NAA35: variants seen among roughly 807,000 people sequenced by gnomAD.
The protein encoded by NAA35 is N-alpha-acetyltransferase 35, NatC auxiliary subunit.
NAA35 carries 18 observed loss-of-function variants against 101.7 expected under a neutral mutation model. The observed-to-expected ratio is 0.18, with a 90% CI of 0.12 to 0.26. The LOEUF is 0.26. Ranked by LOEUF, NAA35 falls within the 10% of genes least tolerant of loss-of-function variation. The pLI, the probability that NAA35 is intolerant of heterozygous loss-of-function variation, is 1.00. For missense variants in NAA35, 601 were observed against 886.8 expected, an observed-to-expected ratio of 0.68 and a Z score of 4.09; for synonymous variants, 267 against 273.1, an observed-to-expected ratio of 0.98 and a Z score of 0.22.
At chr9:86,019,346 A>G (rs936434658) in intron 21 of NAA35, among the ~76,000 whole-genome samples, 1 of 152,260 alleles carries the variant, frequency 6.6e-6, no homozygotes, top group Non-Finnish European at 1.5e-5. Context: ...CTGTAATCCC[A>G]GCTACTGGGG....
At chr9:86,002,189 C>T (rs891211733) in intron 12 of NAA35, among the ~76,000 whole-genome samples, 5 of 151,738 alleles carry the variant, frequency 3.3e-5, no homozygotes, top group Non-Finnish European at 4.4e-5. Context: ...GAATATAGGA[C>T]CCCAATTTCT....
rs914528109 is a variant in NAA35, at chr9:86,009,436, T to G, written c.1224-429T>G. On this transcript the variant is annotated intron_variant, in intron 14 of 22. Coordinates refer to ENST00000361671, the MANE Select transcript of NAA35 (RefSeq NM_024635.4). ...GTGCCAAAGGGAGGTATAGGTGATTTATAACCAATGGTGAGGAGTGGGGAT... is the reference window on the plus strand; with the variant it reads ...GTGCCAAAGGGAGGTATAGGTGATTGATAACCAATGGTGAGGAGTGGGGAT... Among the ~76,000 whole-genome samples, 5 of 152,176 alleles carry G rather than the reference T, an allele frequency of 3.3e-5. No individual in the cohort carries two copies. In the South Asian group the frequency reaches 8.3e-4, roughly 25 times the overall value.
intron 11 of NAA35, among the ~76,000 whole-genome samples, chr9:85,984,061 C>T (rs1202862394): frequency 6.6e-6 from 1 of 151,118 alleles, no homozygotes; most frequent in Non-Finnish European, 1.5e-5. Flanking sequence ...TGTGGTAGCC[C>T]ATGCCTGTAA....
At chr9:86,010,506 G>A in intron 15 of NAA35, among the ~76,000 whole-genome samples, 1 of 149,126 alleles carries the variant, frequency 6.7e-6, no homozygotes, top group South Asian at 2.1e-4. Context: ...GAAAACAGCA[G>A]TTGCTTCCTC....
At chr9:86,020,849 A>C in intron 21 of NAA35, 40 bp from the exon 22 acceptor site, 1 of 1,496,500 alleles carries the variant, frequency 6.7e-7, no homozygotes, top group Middle Eastern at 1.8e-4. Context: ...AATTTTGACT[A>C]TGAAGTTAAT....
intron 2 of NAA35, among the ~76,000 whole-genome samples, chr9:85,947,810 C>T (rs187099243): frequency 0.014 from 2,132 of 152,228 alleles, 47 homozygotes; most frequent in African/African-American, 0.047. Context: ...TATCACTTAA[C>T]CTCTCAAACC....
chr9:85,986,027 G>A (rs902592796), intron 11 of NAA35, among the ~76,000 whole-genome samples: 3 of 152,144 alleles, frequency 2.0e-5, no homozygotes, highest in African/African-American at 7.2e-5. Context: ...CCAGGATGGT[G>A]GTGAAGGGAG....
chr9:85,972,368 G>A (rs960867142), intron 6 of NAA35, among the ~76,000 whole-genome samples: 1 of 151,802 alleles, frequency 6.6e-6, no homozygotes, highest in Non-Finnish European at 1.5e-5. Context: ...ATTTAGCCCG[G>A]TGTGGTGGTG....
intron 17 of NAA35, among the ~76,000 whole-genome samples, chr9:86,016,241 G>T (rs951520950): frequency 1.3e-5 from 2 of 152,076 alleles, no homozygotes; most frequent in African/African-American, 4.8e-5. Context: ...GTGATTAAAA[G>T]AAAATATTTA....
Position 85,970,647 on chromosome 9 carries a change from G to A in NAA35, c.517-4320G>A, listed in dbSNP as rs62568893. Among the ~76,000 whole-genome samples the A allele has an allele frequency of 4.0e-3, 609 of 152,028 alleles. 4 individuals carry two copies. The highest frequency in any genetic ancestry group is 0.034 in the Middle Eastern group (10 of 294). On this transcript the variant is annotated intron_variant, in intron 6 of 22. Coordinates refer to ENST00000361671, the MANE Select transcript of NAA35 (RefSeq NM_024635.4). The stretch of plus-strand genomic sequence containing the variant: ...AATATCAGGCACACCCATTACTGAG[G>A]GATATACTACAAAATGTATACTACA...
chr9:85,970,055 A>T (rs1829938771), intron 6 of NAA35, among the ~76,000 whole-genome samples: 1 of 152,084 alleles, frequency 6.6e-6, no homozygotes, highest in Non-Finnish European at 1.5e-5. Context: ...TCATCACTCC[A>T]TCCTCAAAAT....
intron 2 of NAA35, among the ~76,000 whole-genome samples, chr9:85,949,900 A>G (rs1828937680): frequency 6.6e-6 from 1 of 151,832 alleles, no homozygotes; most frequent in Non-Finnish European, 1.5e-5. Flanking sequence ...GTTTTGCAGG[A>G]TATGCAGAGT....
At chr9:85,964,666 A>G (rs1027676454) in intron 6 of NAA35, among the ~76,000 whole-genome samples, 1 of 152,182 alleles carries the variant, frequency 6.6e-6, no homozygotes, top group Non-Finnish European at 1.5e-5. Context: ...TCATTTCTTA[A>G]TAGGCTATGC....
chr9:85,946,774 A>G (rs546568120), intron 2 of NAA35, among the ~76,000 whole-genome samples: 1 of 152,194 alleles, frequency 6.6e-6, no homozygotes, highest in African/African-American at 2.4e-5. Context: ...GGAAGCCAAA[A>G]TATTGGACAT....
At chr9:85,973,678 C>A (rs527892605) in intron 6 of NAA35, among the ~76,000 whole-genome samples, 1 of 151,744 alleles carries the variant, frequency 6.6e-6, no homozygotes, top group Admixed American at 6.6e-5. Context: ...ATTTGAGAAT[C>A]CTGTTTGATG....
intron 11 of NAA35, chr9:85,986,406 TTTGTA>T (rs1830648630): frequency 2.1e-6 from 1 of 469,904 alleles, no homozygotes; most frequent in Non-Finnish European, 4.4e-6. Context: ...AGGCATGTAA[TTTGTA>T]TGTGGTTACA....
chr9:85,953,328 A>G (rs764971768), intron 2 of NAA35, among the ~76,000 whole-genome samples: 10 of 150,914 alleles, frequency 6.6e-5, no homozygotes, highest in Non-Finnish European at 1.5e-4. Context: ...CATATCCAGG[A>G]CTCTTATCTT....
intron 6 of NAA35, among the ~76,000 whole-genome samples, chr9:85,964,403 C>T (rs1179021009): frequency 2.0e-5 from 3 of 152,168 alleles, no homozygotes; most frequent in Admixed American, 2.0e-4. Context: ...AGAAAAAGGG[C>T]ACTGTCCTGC....
chr9:85,960,009 C>A, intron 5 of NAA35, 142 bp downstream of exon 5: 1 of 533,826 alleles, frequency 1.9e-6, no homozygotes, highest in Non-Finnish European at 3.3e-6. Context: ...GATTAACAGG[C>A]CTAGTAATAG....
Sources: allele counts gnomAD v4.1 joint callset (sites outside exome capture counted in the v4.1 genomes callset), GRCh38; gene constraint gnomAD v4.1.1; transcripts MANE v1.5; gene names NCBI Gene and HGNC (gene_info 2026-07-23, HGNC 2026-07-21).